Variants in EXOC2 observed in about 807,000 individuals in gnomAD.
EXOC2 encodes SEC5-like 1.
EXOC2 carries 70 observed loss-of-function variants against 131.8 expected under a neutral mutation model. The ratio of observed to expected loss-of-function variants is 0.53; its 90% CI spans 0.44 to 0.65. The LOEUF (loss-of-function observed/expected upper bound fraction) is 0.65. Ranked by LOEUF, EXOC2 falls within the 30% of genes least tolerant of loss-of-function variation. The pLI is 0.00. For missense variants in EXOC2, 923 were observed against 1,108.6 expected (o/e 0.83, Z 2.38); for synonymous variants, 411 against 398.4 (o/e 1.03, Z -0.38).
intron 7 of EXOC2, among the ~76,000 whole-genome samples, chr6:608,029 A>G (rs1012641515): frequency 5.9e-5 from 9 of 152,280 alleles, no homozygotes; most frequent in African/African-American, 2.2e-4. Flanking sequence ...ATACATTAGT[A>G]TATAATTATA....
intron 26 of EXOC2, among the ~76,000 whole-genome samples, chr6:490,103 T>C (rs533112507): frequency 1.9e-4 from 29 of 152,380 alleles, no homozygotes; most frequent in Admixed American, 1.6e-3. Context: ...TGTGATGTAA[T>C]TGTTTTGACA....
intron 11 of EXOC2, among the ~76,000 whole-genome samples, chr6:589,062 A>T (rs1197473150): frequency 6.6e-6 from 1 of 152,230 alleles, no homozygotes; most frequent in Middle Eastern, 3.2e-3. Flanking sequence ...CAGAAATTCA[A>T]ATATTTTCAT....
At chr6:540,740 GAAAA>G (rs1229747927) in intron 22 of EXOC2, among the ~76,000 whole-genome samples, 27 of 152,034 alleles carry the variant, frequency 1.8e-4, no homozygotes, top group Non-Finnish European at 1.5e-5. Context: ...GAATGGAGAA[GAAAA>G]AATATTTGAA....
At chr6:656,332 T>C in intron 1 of EXOC2, 1 of 1,614,158 alleles carries the variant, frequency 6.2e-7, no homozygotes. Flanking sequence ...CCAAGATTTT[T>C]AAAATAACTT....
intron 11 of EXOC2, 111 bp downstream of exon 11, chr6:592,358 T>C (rs1759586927): frequency 2.2e-6 from 2 of 919,314 alleles, no homozygotes; most frequent in South Asian, 1.6e-5. Context: ...AAGACAATAA[T>C]AAGAGATACC....
At chr6:544,586 C>CAT (rs1018932413) in intron 22 of EXOC2, among the ~76,000 whole-genome samples, 1 of 152,058 alleles carries the variant, frequency 6.6e-6, no homozygotes, top group Non-Finnish European at 1.5e-5. Context: ...AAATGAAACA[C>CAT]ATATATATAG....
chr6:687,171 C>CTTTTTTTTTTTTTTTTTT lies in EXOC2; in HGVS notation c.-44+5830_-44+5847dup, dbSNP rs762736216. Among the ~76,000 whole-genome samples, 17 of 78,360 alleles carry CTTTTTTTTTTTTTTTTTT rather than the reference C, an allele frequency of 2.2e-4. 6 individuals carry two copies. The highest frequency in any genetic ancestry group is 3.6e-4 in the African/African-American group (7 of 19,456). The allele number at this position is 78,360 out of a possible 152,430, so 51.4% of individuals were successfully genotyped here. ...GAAGAAGTCATTATCAAATAATATTCTTTTTTTTTTTTTTTTTTTTTTTGA... is the reference window on the plus strand; with the variant it reads ...GAAGAAGTCATTATCAAATAATATTCTTTTTTTTTTTTTTTTTTTTTTTTTTTTTTTTTTTTTTTTTGA... On this transcript the variant is annotated intron_variant, in intron 1 of 27. Transcript: ENST00000230449.
chr6:608,249 C>T (rs1053751167), intron 7 of EXOC2, among the ~76,000 whole-genome samples: 2 of 152,254 alleles, frequency 1.3e-5, no homozygotes, highest in African/African-American at 4.8e-5. Flanking sequence ...GGGGCCAGAG[C>T]TGCATCCCCT....
chr6:533,464 G>A (rs1180565183), intron 22 of EXOC2, among the ~76,000 whole-genome samples: 3 of 152,104 alleles, frequency 2.0e-5, no homozygotes, highest in Admixed American at 6.5e-5. Context: ...CTTGAGGGGC[G>A]TGCAGGTCAG....
chr6:548,634 A>G (rs1167266685), intron 22 of EXOC2, among the ~76,000 whole-genome samples: 2 of 152,224 alleles, frequency 1.3e-5, no homozygotes, highest in Non-Finnish European at 2.9e-5. Context: ...TTCAGGTAGG[A>G]TGCAGAGCAT....
chr6:493,960 A>C (rs960898584), intron 25 of EXOC2, among the ~76,000 whole-genome samples: 11 of 152,198 alleles, frequency 7.2e-5, no homozygotes, highest in Non-Finnish European at 1.3e-4. Flanking sequence ...TTACGGAGGT[A>C]ATGTGTAGAG....
rs1324925157 is a variant in EXOC2 at position 501,100 on chromosome 6, A to ATATATATATTATATATATC, written c.2381-1419_2381-1401dup. ...TATATATCTATTGGCTCCTCAAAAG[A>ATATATATATTATATATATC]TATATATATTATATATATCTATATA... is the stretch of plus-strand genomic sequence containing the variant. On this transcript the variant is annotated intron_variant, in intron 23 of 27. Transcript: ENST00000230449. 1.9e-3 allele frequency among the ~76,000 whole-genome samples: 168 copies of ATATATATATTATATATATC among 90,764 alleles called. 6 individuals carry two copies. Among genetic ancestry groups the ATATATATATTATATATATC allele is most frequent in the African/African-American group, 4.6e-3 (100 of 21,600 alleles). The allele number at this position is 90,764 out of a possible 152,430, so 59.5% of individuals were successfully genotyped here.
Position 598,082 on chromosome 6 carries a change from A to C in EXOC2, c.1012T>G (p.Leu338Val). 6.2e-7 allele frequency: 1 copy of C among 1,613,832 alleles called. No homozygotes were observed. Among genetic ancestry groups the C allele is most frequent in the Non-Finnish European group, 8.5e-7 (1 of 1,179,806 alleles). Reference protein sequence around the residue: ...VETRIEALRELLLDKLLETPS... With the variant: ...VETRIEALREVLLDKLLETPS... ...GTCTCAAGCAATTTATCCAGAAGTAATTCTCTTAAAGCTTCAATCCTTGTT... is the reference window on the plus strand; with the variant it reads ...GTCTCAAGCAATTTATCCAGAAGTACTTCTCTTAAAGCTTCAATCCTTGTT... The change falls in exon 10 of 28, where the codon TTA (leucine) becomes GTA (valine). Residue 338 changes from leucine to valine, a missense_variant. Physicochemically the swap from Leu to Val is conservative, Grantham distance 32 (BLOSUM62 1). Coordinates refer to ENST00000230449, the MANE Select transcript of EXOC2 (RefSeq NM_018303.6).
At chr6:564,996 C>T in intron 13 of EXOC2, 67 bp from the exon 14 acceptor site, 1 of 1,244,270 alleles carries the variant, frequency 8.0e-7, no homozygotes, top group Non-Finnish European at 1.1e-6. Context: ...TGCTTTAGCA[C>T]TTGTACATCA....
At chr6:622,111 T>C (rs989405549) in intron 4 of EXOC2, among the ~76,000 whole-genome samples, 1 of 152,232 alleles carries the variant, frequency 6.6e-6, no homozygotes, top group Non-Finnish European at 1.5e-5. Context: ...AAGAATGACA[T>C]GACCAATTAG....
intron 2 of EXOC2, among the ~76,000 whole-genome samples, 197 bp from the exon 3 acceptor site, chr6:633,314 T>C (rs2127708625): frequency 6.6e-6 from 1 of 152,330 alleles, no homozygotes; most frequent in East Asian, 1.9e-4. Context: ...TAAGACTTCT[T>C]TTAGGCTACA....
chr6:683,351 AG>A (rs1764499177), intron 1 of EXOC2, among the ~76,000 whole-genome samples: 2 of 152,258 alleles, frequency 1.3e-5, no homozygotes, highest in African/African-American at 4.8e-5. Context: ...GGAATGAGAG[AG>A]GAACAAAATC....
At chr6:553,169 C>T (rs904099699) in intron 21 of EXOC2, among the ~76,000 whole-genome samples, 13 of 152,282 alleles carry the variant, frequency 8.5e-5, no homozygotes, top group Non-Finnish European at 1.5e-4. Flanking sequence ...CCACTTGCCT[C>T]GGCCTCCTAA....
At position 491,123 on chromosome 6, in the gene EXOC2, A is replaced by C. The variant is rs1399023918; in HGVS notation, c.2621+2T>G. On this transcript the variant is annotated splice_donor_variant, in intron 26 of 27. Transcript: ENST00000230449. LOFTEE classifies it high-confidence loss of function. Reference sequence around the variant, plus strand: ...ACTCAACTAAAGAACACTGCCACTTACTTGCTTTCGGGTGTCAGGTAAACA... The same window carrying C: ...ACTCAACTAAAGAACACTGCCACTTCCTTGCTTTCGGGTGTCAGGTAAACA... 2.5e-6 allele frequency: 4 copies of C among 1,614,172 alleles called. No individual in the cohort carries two copies. Among genetic ancestry groups the C allele is most frequent in the Non-Finnish European group, 3.4e-6 (4 of 1,179,988 alleles).
Sources: gnomAD v4.1 joint callset for allele counts (sites outside exome capture counted in the v4.1 genomes callset) on GRCh38, gnomAD v4.1.1 for gene constraint, MANE v1.5 for transcripts, NCBI Gene and HGNC (gene_info 2026-07-23, HGNC 2026-07-21) for gene names.